Variants in ROBO1 observed in about 807,000 individuals in gnomAD.
The protein encoded by ROBO1 is roundabout guidance receptor 1, also known as roundabout homolog 1.
ROBO1 carries 149 observed loss-of-function variants against 195.9 expected under a neutral mutation model. That is an observed-to-expected ratio of 0.76 (90% confidence interval 0.67 to 0.87). The LOEUF (loss-of-function observed/expected upper bound fraction) is 0.87. ROBO1 is among the 40% of genes least tolerant of loss of function. ROBO1 has a pLI of 0.00. For missense variants in ROBO1, 1,933 were observed against 2,068.3 expected (o/e 0.93, Z 1.27); for synonymous variants, 816 against 733.2 (o/e 1.11, Z -1.82).
rs142850620 is a variant in ROBO1 at position 78,957,724 on chromosome 3, T to C, written c.173-18797A>G. On this transcript the variant is annotated intron_variant, in intron 3 of 30. Coordinates refer to ENST00000464233, the MANE Select transcript of ROBO1 (RefSeq NM_002941.4). ...ATTTAAACCGATTAACAGGTATCAA[T>C]TGCCTCTTCTCTTTAGGAGGCAAAT... 8.9e-3 allele frequency among the ~76,000 whole-genome samples: 1,361 copies of C among 152,326 alleles called. 19 individuals carry two copies. The highest frequency in any genetic ancestry group is 0.031 in the African/African-American group (1,289 of 41,580).
intron 2 of ROBO1, among the ~76,000 whole-genome samples, chr3:79,152,966 A>G (rs1471821546): frequency 6.6e-6 from 1 of 151,690 alleles, no homozygotes; most frequent in Non-Finnish European, 1.5e-5. Flanking sequence ...GCCCATTTTG[A>G]AAAGCGAAAG....
chr3:78,729,404 GA>G (rs1172383992), intron 5 of ROBO1, among the ~76,000 whole-genome samples: 2 of 151,772 alleles, frequency 1.3e-5, no homozygotes, highest in Non-Finnish European at 2.9e-5. Flanking sequence ...AGTAATAATA[GA>G]AAGAAGTAAC....
intron 2 of ROBO1, among the ~76,000 whole-genome samples, chr3:79,412,866 A>T (rs1199255190): frequency 1.1e-5 from 1 of 89,486 alleles, no homozygotes; most frequent in Non-Finnish European, 2.2e-5. Flanking sequence ...TTATTGCCTC[A>T]TGAGCTGATT....
At chr3:79,273,631 A>C (rs1052954695) in intron 2 of ROBO1, among the ~76,000 whole-genome samples, 2 of 152,002 alleles carry the variant, frequency 1.3e-5, no homozygotes, top group Non-Finnish European at 1.5e-5. Context: ...ACAGAATACA[A>C]ATAACAAAAT....
At chr3:79,252,825 G>T (rs1358401185) in intron 2 of ROBO1, among the ~76,000 whole-genome samples, 1 of 152,034 alleles carries the variant, frequency 6.6e-6, no homozygotes, top group Non-Finnish European at 1.5e-5. Flanking sequence ...AGGCCACACA[G>T]AAGTACGCAG....
intron 2 of ROBO1, among the ~76,000 whole-genome samples, chr3:79,185,969 G>A (rs1473507841): frequency 4.6e-5 from 7 of 151,896 alleles, no homozygotes; most frequent in Non-Finnish European, 1.0e-4. Flanking sequence ...TAAACATTAC[G>A]TGGAATGAAG....
chr3:78,877,353 T>G (rs540639482), intron 4 of ROBO1, among the ~76,000 whole-genome samples: 1 of 151,832 alleles, frequency 6.6e-6, no homozygotes, highest in Non-Finnish European at 1.5e-5. Context: ...GGAAGGACAA[T>G]GGAATAACAA....
At chr3:78,696,317 T>C (rs2081289062) in intron 8 of ROBO1, among the ~76,000 whole-genome samples, 1 of 152,148 alleles carries the variant, frequency 6.6e-6, no homozygotes, top group Non-Finnish European at 1.5e-5. Context: ...AAAAGCCTGT[T>C]TGTTTCTGTC....
chr3:79,373,398 A>G (rs1559853909), intron 2 of ROBO1, among the ~76,000 whole-genome samples: 1 of 152,048 alleles, frequency 6.6e-6, no homozygotes, highest in African/African-American at 2.4e-5. Flanking sequence ...GAACTAATGT[A>G]TTAATCTCTT....
chr3:78,617,746 T>C lies in ROBO1; in HGVS notation c.4171A>G (p.Ser1391Gly), dbSNP rs750508827. 1.2e-6 allele frequency: 2 copies of C among 1,613,964 alleles called. No individual in the cohort carries two copies. The highest frequency in any genetic ancestry group is 2.2e-5 in the East Asian group (1 of 44,844). ...GTGAAAAAGGAGCCGTCCGAAGAACTAACACTGGAGCGTCCGCTGGAAATG... is the reference window on the plus strand; with the variant it reads ...GTGAAAAAGGAGCCGTCCGAAGAACCAACACTGGAGCGTCCGCTGGAAATG... ...DNISSGRSSV[S>G]SSDGSFFTDA... is the part of the protein sequence containing the mutation. Residue 1391 changes from serine (S) to glycine (G), a missense_variant, in exon 27 of 31, where the codon AGT becomes GGT. Transcript: ENST00000464233.
chr3:78,617,942 A>G lies in ROBO1; in HGVS notation c.3975T>C (p.Asp1325=). Residue 1325 remains aspartate (D), a synonymous_variant, in exon 27 of 31, where the codon GAT becomes GAC. Transcript: ENST00000464233. ...SGPLVSDMDT[D]APEEEEDEAD... Reference sequence around the variant, plus strand: ...CTTCGTCTTCTTCCTCTTCTGGCGCATCCGTATCCATATCTGAGACCAGGG... The same window carrying G: ...CTTCGTCTTCTTCCTCTTCTGGCGCGTCCGTATCCATATCTGAGACCAGGG... 6.2e-7 allele frequency: 1 copy of G among 1,613,924 alleles called. No homozygotes were observed. The highest frequency in any genetic ancestry group is 8.5e-7 in the Non-Finnish European group (1 of 1,179,870).
At chr3:78,893,709 C>T (rs2037055452) in intron 4 of ROBO1, among the ~76,000 whole-genome samples, 1 of 152,062 alleles carries the variant, frequency 6.6e-6, no homozygotes, top group Non-Finnish European at 1.5e-5. Context: ...TAAACTTCTA[C>T]TTTATAAATA....
At chr3:79,353,865 C>A (rs924178806) in intron 2 of ROBO1, among the ~76,000 whole-genome samples, 8 of 151,984 alleles carry the variant, frequency 5.3e-5, no homozygotes, top group Admixed American at 3.3e-4. Flanking sequence ...GCCAACATGG[C>A]AAAATCCCAT....
chr3:79,468,672 T>C (rs767078062), intron 2 of ROBO1, among the ~76,000 whole-genome samples: 6 of 152,058 alleles, frequency 3.9e-5, no homozygotes, highest in African/African-American at 1.4e-4. Flanking sequence ...ACATATACTG[T>C]ATGAAGCAAT....
intron 2 of ROBO1, among the ~76,000 whole-genome samples, chr3:79,160,459 T>G (rs1418646699): frequency 6.6e-6 from 1 of 152,048 alleles, no homozygotes; most frequent in Non-Finnish European, 1.5e-5. Flanking sequence ...TGTCTTCATA[T>G]AGAACTGTTC....
At chr3:79,705,873 C>G (rs1337244026) in intron 1 of ROBO1, among the ~76,000 whole-genome samples, 1 of 152,038 alleles carries the variant, frequency 6.6e-6, no homozygotes, top group Non-Finnish European at 1.5e-5. Context: ...TTTCATCATA[C>G]AGATCTTGTA....
intron 1 of ROBO1, among the ~76,000 whole-genome samples, chr3:79,657,299 A>G (rs1227782190): frequency 3.3e-5 from 5 of 152,122 alleles, no homozygotes; most frequent in Non-Finnish European, 7.4e-5. Context: ...ATGCTTTTTC[A>G]ATTAATATTT....
rs137900479 is a variant in ROBO1, at chr3:79,701,660, G to C, written c.-51+66092C>G. The stretch of plus-strand genomic sequence containing the variant: ...TATCAAGTAGCTTTAGAGCTGCACT[G>C]CCCCATATGATAGAAAATACACTGC... On this transcript the variant is annotated intron_variant, in intron 1 of 30. Transcript: ENST00000464233. Among the ~76,000 whole-genome samples, 1,415 of 151,730 alleles carry C rather than the reference G, an allele frequency of 9.3e-3. 13 individuals carry two copies. Among genetic ancestry groups the C allele is most frequent in the Middle Eastern group, 0.034 (10 of 294 alleles).
At chr3:79,608,904 G>A (rs1944571369) in intron 1 of ROBO1, among the ~76,000 whole-genome samples, 1 of 151,858 alleles carries the variant, frequency 6.6e-6, no homozygotes, top group Non-Finnish European at 1.5e-5. Flanking sequence ...ATTCATTTGA[G>A]AGCTATGAGG....
Sources: gnomAD v4.1 joint callset for allele counts (sites outside exome capture counted in the v4.1 genomes callset) on GRCh38, gnomAD v4.1.1 for gene constraint, MANE v1.5 for transcripts, NCBI Gene and HGNC (gene_info 2026-07-23, HGNC 2026-07-21) for gene names.